MSH3: variants seen among roughly 807,000 people sequenced by gnomAD.
The protein encoded by MSH3 is DNA mismatch repair protein Msh3.
In MSH3, 106 loss-of-function variants were observed where a neutral mutation model predicts 123.3. The ratio of observed to expected loss-of-function variants is 0.86; its 90% CI spans 0.73 to 1.01. The LOEUF (loss-of-function observed/expected upper bound fraction) is 1.01, where lower values mean the gene tolerates loss of function less well. Among genes scored for constraint, MSH3 ranks in the 50% least tolerant of loss-of-function variants. MSH3 has a pLI of 0.00. For synonymous variants in MSH3, 515 were observed against 481.4 expected (o/e 1.07, Z -0.91); for missense variants, 1,459 against 1,347.6 (o/e 1.08, Z -1.29).
At chr5:80,677,221 A>G (rs571278763) in intron 7 of MSH3, among the ~76,000 whole-genome samples, 2 of 152,256 alleles carry the variant, frequency 1.3e-5, no homozygotes, top group South Asian at 2.1e-4. Context: ...CCTTTTGAGT[A>G]TTGGTAATTA....
chr5:80,713,148 A>T (rs559208267), intron 8 of MSH3, among the ~76,000 whole-genome samples: 35 of 152,250 alleles, frequency 2.3e-4, no homozygotes, highest in African/African-American at 8.4e-4. Flanking sequence ...TGGTAAGCTG[A>T]CATTTGTTTG....
At chr5:80,779,807 G>A (rs937937747) in intron 17 of MSH3, among the ~76,000 whole-genome samples, 2 of 151,384 alleles carry the variant, frequency 1.3e-5, no homozygotes, top group Non-Finnish European at 2.9e-5. Flanking sequence ...CTTGTGATGC[G>A]CCCTCCTCGG....
chr5:80,852,473 A>T (rs764823035), intron 20 of MSH3, among the ~76,000 whole-genome samples: 15 of 152,226 alleles, frequency 9.9e-5, no homozygotes, highest in Non-Finnish European at 1.6e-4. Flanking sequence ...ATCCTGCCAC[A>T]ATAAAGGCAA....
intron 20 of MSH3, among the ~76,000 whole-genome samples, chr5:80,816,213 A>T (rs1580067945): frequency 6.6e-6 from 1 of 152,326 alleles, no homozygotes; most frequent in Middle Eastern, 3.4e-3. Context: ...TAACCAAATA[A>T]TCACATACAG....
Position 80,784,236 on chromosome 5 carries a change from AAAAG to A in MSH3, c.2436-3328_2436-3325del, listed in dbSNP as rs1296074976. On this transcript the variant is annotated intron_variant, in intron 17 of 23. Transcript: ENST00000265081. Reference sequence around the variant, plus strand: ...GCAAAAAAAAAAAAAAAAAAAAAAAAAAAGGGAAATAAATAAATAAATAAATAAA... The same window carrying A: ...GCAAAAAAAAAAAAAAAAAAAAAAAAGGAAATAAATAAATAAATAAATAAA... Among the ~76,000 whole-genome samples, 20 of 129,180 alleles carry A rather than the reference AAAAG, an allele frequency of 1.5e-4. 1 individual carries two copies. The highest frequency in any genetic ancestry group is 3.9e-3 in the Middle Eastern group (1 of 258). The allele number at this position is 129,180 out of a possible 152,430, so 84.7% of individuals were successfully genotyped here.
rs1744153840 is a variant in MSH3 at position 80,768,062 on chromosome 5, C to T, written c.2026C>T (p.Pro676Ser). ...GCTCCGGACCGTTATTTTAGAAATT[C>T]CTGAACTCCTCAGTCCAGTGGAGCA... ...DLLRTVILEI[P>S]ELLSPVEHYL... The change falls in exon 14 of 24, where the codon CCT (proline) becomes TCT (serine). Residue 676 changes from proline (P) to serine (S), a missense_variant. Pro to Ser is a moderately conservative substitution (Grantham distance 74, BLOSUM62 -1). Coordinates refer to ENST00000265081, the MANE Select transcript of MSH3 (RefSeq NM_002439.5). 3 of 1,613,734 alleles carry T rather than the reference C, an allele frequency of 1.9e-6. No individual in the cohort carries two copies. Among genetic ancestry groups the T allele is most frequent in the Non-Finnish European group, 2.5e-6 (3 of 1,179,758 alleles).
chr5:80,733,862 C>T (rs1043497174), intron 10 of MSH3, among the ~76,000 whole-genome samples: 1 of 152,034 alleles, frequency 6.6e-6, no homozygotes, highest in African/African-American at 2.4e-5. Context: ...CATACATTGC[C>T]AATAGGACTA....
At chr5:80,682,292 T>G (rs939319863) in intron 8 of MSH3, among the ~76,000 whole-genome samples, 4 of 152,314 alleles carry the variant, frequency 2.6e-5, no homozygotes, top group Middle Eastern at 3.4e-3. Flanking sequence ...GTCCTTTATA[T>G]TGGGGGTATT....
chr5:80,778,600 T>A (rs914672054), intron 16 of MSH3, 120 bp from the exon 17 acceptor site: 10 of 735,404 alleles, frequency 1.4e-5, no homozygotes, highest in Non-Finnish European at 2.2e-5. Context: ...TTCTTCTGTT[T>A]ACAGCTGTTT....
chr5:80,789,486 T>G (rs1744571786), intron 18 of MSH3, among the ~76,000 whole-genome samples: 1 of 151,740 alleles, frequency 6.6e-6, no homozygotes, highest in Non-Finnish European at 1.5e-5. Flanking sequence ...TTCTCCTGCC[T>G]CAGCCCCCTG....
At chr5:80,780,897 A>G (rs1001033903) in intron 17 of MSH3, among the ~76,000 whole-genome samples, 31 of 151,260 alleles carry the variant, frequency 2.0e-4, no homozygotes, top group Non-Finnish European at 4.0e-4. Context: ...AACAGTAAAA[A>G]TTCAGTGACG....
chr5:80,679,347 C>G (rs566443062), intron 8 of MSH3, among the ~76,000 whole-genome samples: 54 of 152,184 alleles, frequency 3.5e-4, no homozygotes, highest in African/African-American at 1.3e-3. Flanking sequence ...GCCTGGGCAA[C>G]TAAGGTGAGA....
chr5:80,812,402 T>C (rs2112052353), intron 19 of MSH3, among the ~76,000 whole-genome samples: 1 of 152,302 alleles, frequency 6.6e-6, no homozygotes, highest in African/African-American at 2.4e-5. Flanking sequence ...CCTTTTATTT[T>C]CTCATAACTA....
intron 20 of MSH3, among the ~76,000 whole-genome samples, chr5:80,818,461 A>G (rs1042883178): frequency 4.0e-5 from 6 of 150,926 alleles, no homozygotes; most frequent in Non-Finnish European, 8.9e-5. Flanking sequence ...ATATTAAAAG[A>G]GAGTTAAAGA....
chr5:80,726,174 A>G (rs978432065), intron 9 of MSH3, among the ~76,000 whole-genome samples: 1 of 152,198 alleles, frequency 6.6e-6, no homozygotes, highest in East Asian at 1.9e-4. Context: ...TTTGTACCTC[A>G]CATTCCTGCC....
intron 20 of MSH3, among the ~76,000 whole-genome samples, chr5:80,829,279 G>C (rs1436921080): frequency 6.6e-6 from 1 of 152,208 alleles, no homozygotes; most frequent in Non-Finnish European, 1.5e-5. Flanking sequence ...TGTTGAAAAG[G>C]AGTGGTAAGA....
At chr5:80,692,424 T>TTATA (rs1750307620) in intron 8 of MSH3, among the ~76,000 whole-genome samples, 1 of 33,752 alleles carries the variant, frequency 3.0e-5, no homozygotes, top group Admixed American at 3.4e-4. Flanking sequence ...ATGTATATGT[T>TTATA]TAGATAGATA....
intron 21 of MSH3, among the ~76,000 whole-genome samples, chr5:80,859,752 G>T: frequency 2.1e-5 from 3 of 145,834 alleles, no homozygotes; most frequent in Non-Finnish European, 1.5e-5. Context: ...GGTTTCTTGG[G>T]GTGTTTTTTG....
rs576627885 is a variant in MSH3, at chr5:80,840,891, T to A, written c.2814-13239T>A. The stretch of plus-strand genomic sequence containing the variant: ...GGTGTATGTGTGCCACATTTTTTTT[T>A]AAATTTTAAGAAATGCTCTTTTTTT... On this transcript the variant is annotated intron_variant, in intron 20 of 23. Coordinates refer to ENST00000265081, the MANE Select transcript of MSH3 (RefSeq NM_002439.5). Among the ~76,000 whole-genome samples, 3 of 150,068 alleles carry A rather than the reference T, an allele frequency of 2.0e-5. No individual in the cohort carries two copies. The South Asian group carries it at 6.4e-4, about 32-fold the overall frequency.
Sources: gnomAD v4.1 joint callset for allele counts (sites outside exome capture counted in the v4.1 genomes callset) on GRCh38, gnomAD v4.1.1 for gene constraint, MANE v1.5 for transcripts, NCBI Gene and HGNC (gene_info 2026-07-23, HGNC 2026-07-21) for gene names.